Variants in PARN observed in about 807,000 individuals in gnomAD.
PARN encodes the protein poly(A)-specific ribonuclease.
A neutral mutation model predicts 102.8 loss-of-function variants in PARN; 71 were observed. The ratio of observed to expected loss-of-function variants is 0.69; its 90% CI spans 0.57 to 0.84. PARN has a LOEUF of 0.84. Ranked by LOEUF, PARN falls within the 40% of genes least tolerant of loss-of-function variation. The probability of loss-of-function intolerance (pLI) is 0.00; values close to 1 mark genes in which losing one functional copy is unlikely to be tolerated. For synonymous variants in PARN, 261 were observed against 252.9 expected (o/e 1.03, Z -0.30); for missense variants, 782 against 760.9 (o/e 1.03, Z -0.33).
Position 14,453,629 on chromosome 16 carries a change from C to T in PARN, c.1671-6548G>A, listed in dbSNP as rs534198465. ...CCACATTGTCACAGCAACTATTAATCTGCTTATAGTCCTATTTATATAGTT... is the reference window on the plus strand; with the variant it reads ...CCACATTGTCACAGCAACTATTAATTTGCTTATAGTCCTATTTATATAGTT... On this transcript the variant is annotated intron_variant, in intron 22 of 23. Transcript: ENST00000437198. Among the ~76,000 whole-genome samples the T allele has an allele frequency of 1.2e-4, 18 of 152,322 alleles. No individual in the cohort carries two copies. In the South Asian group the frequency reaches 2.7e-3, roughly 23 times the overall value.
chr16:14,548,867 T>C (rs567582897), intron 21 of PARN, among the ~76,000 whole-genome samples: 11 of 152,174 alleles, frequency 7.2e-5, no homozygotes, highest in African/African-American at 2.4e-4. Context: ...GTCACAAGAA[T>C]TGCCTGAACC....
rs912091052 is a variant in PARN, at chr16:14,628,104, A to G, written c.177+68T>C. Reference sequence around the variant, plus strand: ...ACCTTAATGCACAAGTTTAGTAACAATATTTATCATTTAACATAAGGAAGA... The same window carrying G: ...ACCTTAATGCACAAGTTTAGTAACAGTATTTATCATTTAACATAAGGAAGA... On this transcript the variant is annotated intron_variant, in intron 3 of 23. Transcript: ENST00000437198. 9 of 926,468 alleles carry G rather than the reference A, an allele frequency of 9.7e-6. No homozygotes were observed. The African/African-American group carries it at 1.3e-4, about 14-fold the overall frequency. 57.4% of individuals were successfully genotyped at this position (926,468 alleles called of 1,614,324 possible).
intron 11 of PARN, 104 bp downstream of exon 11, chr16:14,604,042 C>T: frequency 1.3e-6 from 1 of 775,788 alleles, no homozygotes; most frequent in Non-Finnish European, 2.2e-6. Context: ...TGAAAGAAAA[C>T]TATTCATTAA....
At chr16:14,507,227 G>A (rs1028791137) in intron 21 of PARN, among the ~76,000 whole-genome samples, 18 of 152,096 alleles carry the variant, frequency 1.2e-4, no homozygotes, top group African/African-American at 4.3e-4. Flanking sequence ...TCGGGAGGCT[G>A]AGGCAGGAGA....
Position 14,580,926 on chromosome 16 carries a change from G to T in PARN, c.1210C>A (p.Pro404Thr). 1 of 1,607,698 alleles carries T rather than the reference G, an allele frequency of 6.2e-7. No homozygotes were observed. The highest frequency in any genetic ancestry group is 8.5e-7 in the Non-Finnish European group (1 of 1,174,382). Residue 404 changes from proline (P) to threonine (T), a missense_variant, in exon 18 of 24, where the codon CCA becomes ACA. Physicochemically the swap from Pro to Thr is conservative, Grantham distance 38. Coordinates refer to ENST00000437198, the MANE Select transcript of PARN (RefSeq NM_002582.4). ...ANYLGSFLSP[P>T]KIHVSARSKL... Reference sequence around the variant, plus strand: ...GATCTGGCAGACACATGAATTTTTGGAGGGCTGAGAAAAGAACCTAATGAA... The same window carrying T: ...GATCTGGCAGACACATGAATTTTTGTAGGGCTGAGAAAAGAACCTAATGAA...
rs562013770 is a variant in PARN, at chr16:14,532,151, C to T, written c.1480+19870G>A. Among the ~76,000 whole-genome samples, 22 of 149,730 alleles carry T rather than the reference C, an allele frequency of 1.5e-4. No individual in the cohort carries two copies. The South Asian group carries it at 4.6e-3, about 32-fold the overall frequency. On this transcript the variant is annotated intron_variant, in intron 21 of 23. Transcript: ENST00000437198. ...AACCAACATGACAGCAAAGTTTATA[C>T]AAGGCACAAGATTCAAACTCTGATT...
rs1971472941 is a variant in PARN at position 14,610,692 on chromosome 16, C to T, written c.506G>A (p.Cys169Tyr). The change falls in exon 7 of 24, where the codon TGT (cysteine) becomes TAT (tyrosine). Residue 169 changes from cysteine (C) to tyrosine (Y), a missense_variant. Physicochemically the swap from Cys to Tyr is radical, Grantham distance 194. Transcript: ENST00000437198. ...LSYVSPNTSK[C>Y]PVTIPEDQKK... ...TTGATCCTCAGGAATCGTGACAGGA[C>T]ATTTTGAAGTGTTAGGAGATACATA... 12 of 1,610,982 alleles carry T rather than the reference C, an allele frequency of 7.4e-6. No individual in the cohort carries two copies. The highest frequency in any genetic ancestry group is 6.8e-6 in the Non-Finnish European group (8 of 1,177,192).
At chr16:14,617,674 A>C (rs1298990637) in intron 5 of PARN, 24 bp from the exon 6 acceptor site, 8 of 1,454,068 alleles carry the variant, frequency 5.5e-6, no homozygotes, top group Non-Finnish European at 7.7e-6. Context: ...AACAGAACAC[A>C]TGTTTTGGGG....
chr16:14,532,380 T>C (rs1966390787), intron 21 of PARN, among the ~76,000 whole-genome samples: 1 of 151,644 alleles, frequency 6.6e-6, no homozygotes, highest in Non-Finnish European at 1.5e-5. Context: ...TGATGACTCT[T>C]AAGGAGCATG....
chr16:14,581,849 G>C (rs950430271), intron 17 of PARN, among the ~76,000 whole-genome samples: 6 of 152,214 alleles, frequency 3.9e-5, no homozygotes, highest in African/African-American at 1.2e-4. Flanking sequence ...GTTGCAGTAA[G>C]CTATGATTGA....
chr16:14,499,654 A>G (rs1424373809), intron 21 of PARN, among the ~76,000 whole-genome samples: 1 of 152,186 alleles, frequency 6.6e-6, no homozygotes, highest in East Asian at 1.9e-4. Flanking sequence ...TTGTCTATTT[A>G]AACATTCATT....
intron 23 of PARN, among the ~76,000 whole-genome samples, chr16:14,443,003 G>A (rs896183241): frequency 2.6e-5 from 4 of 152,162 alleles, no homozygotes; most frequent in African/African-American, 9.7e-5. Context: ...TCTAAAGTCT[G>A]GATGAGTTTC....
intron 18 of PARN, among the ~76,000 whole-genome samples, chr16:14,572,915 G>T (rs1177701710): frequency 6.6e-6 from 1 of 150,904 alleles, no homozygotes; most frequent in East Asian, 1.9e-4. Flanking sequence ...TTGAGACAGG[G>T]TCTTACTCTG....
At chr16:14,507,076 C>T (rs1964935090) in intron 21 of PARN, among the ~76,000 whole-genome samples, 2 of 152,076 alleles carry the variant, frequency 1.3e-5, no homozygotes, top group African/African-American at 4.8e-5. Flanking sequence ...CCTATAATCC[C>T]AGCACTTTGG....
rs1249640219 is a variant in PARN at position 14,622,959 on chromosome 16, C to A, written c.327+4147G>T. Among the ~76,000 whole-genome samples, 3 of 152,100 alleles carry A rather than the reference C, an allele frequency of 2.0e-5. No individual in the cohort carries two copies. In the East Asian group the frequency reaches 5.8e-4, roughly 30 times the overall value. On this transcript the variant is annotated intron_variant, in intron 5 of 23. Coordinates refer to ENST00000437198, the MANE Select transcript of PARN (RefSeq NM_002582.4). Reference sequence around the variant, plus strand: ...GCTCTACAAAAAATACAAAAATTAGCTGGGCATGGTGGCATGTGCCTGTAG... The same window carrying A: ...GCTCTACAAAAAATACAAAAATTAGATGGGCATGGTGGCATGTGCCTGTAG...
rs1460466387 is a variant in PARN at position 14,554,115 on chromosome 16, A to G, written c.1355T>C (p.Phe452Ser). ...PKRDHVLHVT[F>S]PKEWKTSDLY... ...GTCGCTGGTTTTCCATTCTTTGGGG[A>G]ATGTCACATGGAGAACATGATCACG... Residue 452 changes from phenylalanine to serine, a missense_variant, in exon 20 of 24, where the codon TTC becomes TCC. Phe to Ser is a radical substitution (Grantham distance 155). Transcript: ENST00000437198. 10 of 1,613,528 alleles carry G rather than the reference A, an allele frequency of 6.2e-6. No individual in the cohort carries two copies. Among genetic ancestry groups the G allele is most frequent in the African/African-American group, 1.3e-5 (1 of 75,066 alleles).
At chr16:14,488,131 G>T (rs1391962927) in intron 21 of PARN, among the ~76,000 whole-genome samples, 1 of 152,040 alleles carries the variant, frequency 6.6e-6, no homozygotes, top group African/African-American at 2.4e-5. Flanking sequence ...GTGAAACTTT[G>T]ATTTTTGACA....
In PARN at chr16:14,482,686, G is replaced by T. The variant is rs1234816011; in HGVS notation, c.1622C>A (p.Pro541His). ...WKEADSKRLNPQCIPYTLQNH... is the reference protein window; with the variant it reads ...WKEADSKRLNHQCIPYTLQNH... ...CTGCAGGGTGTAGGGTATGCACTGGGGGTTTAACCGTTTGCTGTCAGCCTC... is the reference window on the plus strand; with the variant it reads ...CTGCAGGGTGTAGGGTATGCACTGGTGGTTTAACCGTTTGCTGTCAGCCTC... The change falls in exon 22 of 24, where the codon CCC (proline) becomes CAC (histidine). Residue 541 changes from proline (P) to histidine (H), a missense_variant. Coordinates refer to ENST00000437198, the MANE Select transcript of PARN (RefSeq NM_002582.4). The T allele has an allele frequency of 1.9e-6, 3 of 1,613,774 alleles. No homozygotes were observed. Among genetic ancestry groups the T allele is most frequent in the Non-Finnish European group, 2.5e-6 (3 of 1,179,794 alleles).
chr16:14,528,644 G>A (rs182093002), intron 21 of PARN, among the ~76,000 whole-genome samples: 23 of 152,204 alleles, frequency 1.5e-4, no homozygotes, highest in Non-Finnish European at 2.2e-4. Context: ...GACATTTACC[G>A]AGCAGCTAAT....
Sources: gnomAD v4.1 joint callset for allele counts (sites outside exome capture counted in the v4.1 genomes callset) on GRCh38, gnomAD v4.1.1 for gene constraint, MANE v1.5 for transcripts, NCBI Gene and HGNC (gene_info 2026-07-23, HGNC 2026-07-21) for gene names.